The following LPXN variants were observed in gnomAD, a reference collection of about 807,000 sequenced individuals.
LPXN encodes the protein leupaxin.
Under a neutral mutation model 45.6 loss-of-function variants are expected in LPXN, and 28 were observed. The observed-to-expected ratio is 0.61, with a 90% CI of 0.45 to 0.84. LPXN has a LOEUF of 0.84. Ranked by LOEUF, LPXN falls within the 40% of genes least tolerant of loss-of-function variation. The pLI, the probability that LPXN is intolerant of heterozygous loss-of-function variation, is 0.00. For synonymous variants in LPXN, 166 were observed against 169.9 expected (o/e 0.98, Z 0.18); for missense variants, 459 against 475.0 (o/e 0.97, Z 0.31).
upstream of LPXN, among the ~76,000 whole-genome samples, chr11:58,576,175 TTTC>T (rs1041157672): frequency 5.3e-5 from 8 of 151,502 alleles, no homozygotes; most frequent in African/African-American, 1.7e-4. Context: ...ATCTTTCTTT[TTTC>T]TTTTTTTTTT....
chr11:58,556,515 C>T (rs1050656130), intron 3 of LPXN, among the ~76,000 whole-genome samples: 2 of 151,850 alleles, frequency 1.3e-5, no homozygotes, highest in Non-Finnish European at 2.9e-5. Flanking sequence ...CATTATCAAA[C>T]ACATTTAAAA....
chr11:58,571,224 C>A (rs1486467775), intron 1 of LPXN, among the ~76,000 whole-genome samples: 2 of 151,968 alleles, frequency 1.3e-5, no homozygotes, highest in African/African-American at 4.8e-5. Flanking sequence ...CCTGTGGTCC[C>A]AGCTACTTGG....
At chr11:58,535,832 C>A (rs1369111887) in intron 7 of LPXN, among the ~76,000 whole-genome samples, 2 of 152,212 alleles carry the variant, frequency 1.3e-5, no homozygotes, top group African/African-American at 4.8e-5. Context: ...TCTCAGGACA[C>A]AAAATCAATG....
At chr11:58,552,417 G>T (rs748991286) in intron 4 of LPXN, among the ~76,000 whole-genome samples, 7 of 151,810 alleles carry the variant, frequency 4.6e-5, no homozygotes, top group Admixed American at 2.0e-4. Context: ...TCTATCTACT[G>T]AATACTTCAC....
At chr11:58,532,339 G>A (rs555889959) in intron 7 of LPXN, among the ~76,000 whole-genome samples, 68 of 152,354 alleles carry the variant, frequency 4.5e-4, no homozygotes, top group African/African-American at 1.4e-3. Context: ...CGCACGGCAC[G>A]AGACTGGAGG....
chr11:58,573,060 A>G (rs981493775), intron 1 of LPXN, among the ~76,000 whole-genome samples: 8 of 152,152 alleles, frequency 5.3e-5, no homozygotes, highest in Non-Finnish European at 1.0e-4. Flanking sequence ...AGCCTGACCA[A>G]CATGGAGAAA....
At chr11:58,534,536 A>C (rs1853490441) in intron 7 of LPXN, among the ~76,000 whole-genome samples, 1 of 152,228 alleles carries the variant, frequency 6.6e-6, no homozygotes, top group Non-Finnish European at 1.5e-5. Context: ...GTGTAGAGGG[A>C]AATTTATAGC....
chr11:58,562,569 A>T (rs1333913418), intron 3 of LPXN, among the ~76,000 whole-genome samples: 1 of 152,224 alleles, frequency 6.6e-6, no homozygotes, highest in Non-Finnish European at 1.5e-5. Flanking sequence ...CACAGAGTTT[A>T]GACCAGAAAC....
chr11:58,578,704 T>C (rs1332573178), upstream of LPXN, among the ~76,000 whole-genome samples: 3 of 152,092 alleles, frequency 2.0e-5, no homozygotes, highest in Non-Finnish European at 2.9e-5. Context: ...GTGGTATCAG[T>C]GGCTCCTCAG....
At chr11:58,571,674 T>C (rs529864438) in intron 1 of LPXN, among the ~76,000 whole-genome samples, 17 of 151,006 alleles carry the variant, frequency 1.1e-4, no homozygotes, top group African/African-American at 2.2e-4. Flanking sequence ...TTTTTTTTTT[T>C]TTGGAAAAGT....
chr11:58,575,680 CAGA>C lies in LPXN; in HGVS notation c.13+77_13+79del, dbSNP rs965736615. The C allele has an allele frequency of 7.9e-6, 12 of 1,510,892 alleles. No homozygotes were observed. In the African/African-American group the frequency reaches 8.2e-5, roughly 10 times the overall value. 93.6% of individuals were successfully genotyped at this position (1,510,892 alleles called of 1,614,324 possible). A position where few individuals can be genotyped will look rare whatever the true frequency, so the allele number is the denominator to read the frequency against. On this transcript the variant is annotated intron_variant, in intron 1 of 8. Coordinates refer to ENST00000395074, the MANE Select transcript of LPXN (RefSeq NM_004811.3). ...CTTCCATTACTACCCTCAGTCTAGCCAGAAGTATACCCCACCACACAAGGAGAT... is the reference window on the plus strand; with the variant it reads ...CTTCCATTACTACCCTCAGTCTAGCCAGTATACCCCACCACACAAGGAGAT...
intron 7 of LPXN, among the ~76,000 whole-genome samples, chr11:58,540,947 C>T (rs1853699555): frequency 6.6e-6 from 1 of 152,074 alleles, no homozygotes; most frequent in Non-Finnish European, 1.5e-5. Context: ...GGAAGGATTC[C>T]CCATTTAATA....
At chr11:58,547,121 T>C (rs921194985) in intron 7 of LPXN, among the ~76,000 whole-genome samples, 3 of 152,204 alleles carry the variant, frequency 2.0e-5, no homozygotes, top group Non-Finnish European at 4.4e-5. Flanking sequence ...TAGATGAGTC[T>C]GGCTGAAAGA....
At chr11:58,548,541 TA>T (rs1853942799) in intron 7 of LPXN, among the ~76,000 whole-genome samples, 1 of 152,074 alleles carries the variant, frequency 6.6e-6, no homozygotes, top group Non-Finnish European at 1.5e-5. Context: ...AACTTAGTGA[TA>T]AGTACAATAA....
chr11:58,528,781 A>C (rs1853303337), intron 7 of LPXN, among the ~76,000 whole-genome samples: 1 of 152,240 alleles, frequency 6.6e-6, no homozygotes, highest in South Asian at 2.1e-4. Context: ...GATGGATGCA[A>C]GATCTAAACA....
intron 3 of LPXN, among the ~76,000 whole-genome samples, chr11:58,558,364 C>T (rs1854272215): frequency 6.6e-6 from 1 of 150,844 alleles, no homozygotes; most frequent in South Asian, 2.1e-4. Flanking sequence ...ATAGGGAGAC[C>T]CTGTCTCTAC....
At chr11:58,529,754 G>C (rs1003745679) in intron 7 of LPXN, among the ~76,000 whole-genome samples, 2 of 152,128 alleles carry the variant, frequency 1.3e-5, no homozygotes, top group Non-Finnish European at 2.9e-5. Context: ...CAGGATGACC[G>C]AATAGGAACA....
intron 7 of LPXN, among the ~76,000 whole-genome samples, chr11:58,532,361 C>T (rs7119594): frequency 0.038 from 5,804 of 152,342 alleles, 206 homozygotes; most frequent in African/African-American, 0.095. Context: ...CAGCTCCGCC[C>T]GCAGCCCTGG....
At chr11:58,578,019 C>T (rs560586679), upstream of LPXN, 1 of 1,550,770 alleles carries the variant, frequency 6.4e-7, no homozygotes, top group African/African-American at 1.4e-5. Context: ...ACTCACACAC[C>T]GGAAGACGAG....
Sources: allele counts gnomAD v4.1 joint callset (sites outside exome capture counted in the v4.1 genomes callset), GRCh38; gene constraint gnomAD v4.1.1; transcripts MANE v1.5; gene names NCBI Gene and HGNC (gene_info 2026-07-23, HGNC 2026-07-21).